The following OPRK1 variants were observed in gnomAD, a reference collection of about 807,000 sequenced individuals.
The protein encoded by OPRK1 is opioid receptor kappa 1, also known as kappa-type opioid receptor.
OPRK1 carries 15 observed loss-of-function variants against 24.5 expected under a neutral mutation model. The observed-to-expected ratio is 0.61, with a 90% CI of 0.41 to 0.94. The LOEUF (loss-of-function observed/expected upper bound fraction) is 0.94, where lower values mean the gene tolerates loss of function less well. Among genes scored for constraint, OPRK1 ranks in the 40% least tolerant of loss-of-function variants. OPRK1 has a pLI of 0.00. For missense variants in OPRK1, 479 were observed against 507.3 expected, an observed-to-expected ratio of 0.94 and a Z score of 0.54; for synonymous variants, 205 against 198.0, an observed-to-expected ratio of 1.04 and a Z score of -0.30.
intron 2 of OPRK1, among the ~76,000 whole-genome samples, chr8:53,241,208 A>G (rs1585635476): frequency 6.6e-6 from 1 of 152,242 alleles, no homozygotes; most frequent in South Asian, 2.1e-4. Context: ...TGTTTAAAAA[A>G]TAAAAATAAA....
chr8:53,250,069 C>CCACACACACACACA (rs369426050), intron 2 of OPRK1, among the ~76,000 whole-genome samples: 2 of 130,390 alleles, frequency 1.5e-5, no homozygotes, highest in African/African-American at 5.3e-5. Flanking sequence ...GAAGAAATTT[C>CCACACACACACACA]CACACACACA....
intron 2 of OPRK1, among the ~76,000 whole-genome samples, chr8:53,244,917 T>C (rs1413044517): frequency 6.6e-6 from 1 of 152,166 alleles, no homozygotes; most frequent in Non-Finnish European, 1.5e-5. Flanking sequence ...CCCCGTCAGA[T>C]CCAAAATCCA....
chr8:53,250,286 AT>A (rs1807342042), intron 2 of OPRK1, among the ~76,000 whole-genome samples: 1 of 152,210 alleles, frequency 6.6e-6, no homozygotes, highest in Non-Finnish European at 1.5e-5. Flanking sequence ...GTTTTGTTTC[AT>A]AAGCCAAAAC....
intron 2 of OPRK1, among the ~76,000 whole-genome samples, chr8:53,244,519 A>G (rs537303222): frequency 1.3e-4 from 20 of 152,332 alleles, no homozygotes; most frequent in African/African-American, 4.6e-4. Context: ...AAAGTCTCCC[A>G]GAGGAAGGTT....
chr8:53,242,747 C>G, intron 2 of OPRK1: 1 of 1,014,904 alleles, frequency 9.9e-7, no homozygotes, highest in Non-Finnish European at 1.3e-6. Context: ...ACCTCGTGAT[C>G]CACCTGCCTC....
chr8:53,233,723 T>C (rs1222992737), intron 3 of OPRK1, among the ~76,000 whole-genome samples: 1 of 152,194 alleles, frequency 6.6e-6, no homozygotes, highest in Admixed American at 6.5e-5. Flanking sequence ...ACCTCTCACC[T>C]TGGCTGCAGG....
chr8:53,242,798 G>A (rs996279875), intron 2 of OPRK1: 105 of 1,229,464 alleles, frequency 8.5e-5, no homozygotes, highest in Non-Finnish European at 1.0e-4. Context: ...GAGCCACCGC[G>A]CCCGGCCACT....
chr8:53,238,466 A>G (rs943736256), intron 2 of OPRK1: 1 of 873,638 alleles, frequency 1.1e-6, no homozygotes, highest in Admixed American at 6.2e-5. Context: ...CTGAAAAAAC[A>G]GTACGGTGCA....
In OPRK1 at chr8:53,246,291, A is replaced by G. The variant is rs545532817; in HGVS notation, c.257+4490T>C. On this transcript the variant is annotated intron_variant, in intron 2 of 3. Coordinates refer to ENST00000265572, the MANE Select transcript of OPRK1 (RefSeq NM_000912.5). Reference sequence around the variant, plus strand: ...AAAGTGGCCTAAAACGAGCATCTGAAACACACACCAGGGCTTTGGTGAAGG... The same window carrying G: ...AAAGTGGCCTAAAACGAGCATCTGAGACACACACCAGGGCTTTGGTGAAGG... Among the ~76,000 whole-genome samples the G allele has an allele frequency of 8.5e-5, 13 of 152,246 alleles. No homozygotes were observed. The South Asian group carries it at 2.5e-3, about 29-fold the overall frequency.
intron 2 of OPRK1, among the ~76,000 whole-genome samples, chr8:53,242,259 C>T (rs1288800984): frequency 6.6e-6 from 1 of 152,182 alleles, no homozygotes; most frequent in African/African-American, 2.4e-5. Context: ...GCAACCCAGC[C>T]AGGCAGAGGG....
chr8:53,245,352 G>A (rs1053917711), intron 2 of OPRK1, among the ~76,000 whole-genome samples: 2 of 152,192 alleles, frequency 1.3e-5, no homozygotes, highest in African/African-American at 2.4e-5. Context: ...GTTACAGGGA[G>A]AAGGCAGCAT....
At chr8:53,250,754 C>T (rs1807357368) in intron 2 of OPRK1, 27 bp downstream of exon 2, 1 of 1,581,362 alleles carries the variant, frequency 6.3e-7, no homozygotes, top group South Asian at 1.2e-5. Context: ...CGCCCAGCCC[C>T]CAGCGCTGCG....
rs200318598 is a variant in OPRK1 at position 53,226,846 on chromosome 8, T to G, written c.*2451A>C. 1 of 152,212 alleles carries G rather than the reference T, an allele frequency of 6.6e-6. No homozygotes were observed. The highest frequency in any genetic ancestry group is 1.5e-5 in the Non-Finnish European group (1 of 68,036). The allele number at this position is 152,212 out of a possible 1,614,324, so 9.4% of individuals were successfully genotyped here. ...AATCAAGAAGCTTGGACACCCCTTG[T>G]GGGCACATACAGCTACTATTCTCTC... On this transcript the variant is annotated 3_prime_UTR_variant, in exon 4 of 4. Coordinates refer to ENST00000265572, the MANE Select transcript of OPRK1 (RefSeq NM_000912.5).
intron 2 of OPRK1, among the ~76,000 whole-genome samples, chr8:53,241,802 C>G (rs766137935): frequency 1.3e-5 from 2 of 152,206 alleles, no homozygotes; most frequent in Non-Finnish European, 2.9e-5. Context: ...GACGCACAGC[C>G]CCGCGCAGGT....
At chr8:53,232,055 T>C (rs1196166562) in intron 3 of OPRK1, among the ~76,000 whole-genome samples, 3 of 152,206 alleles carry the variant, frequency 2.0e-5, no homozygotes, top group African/African-American at 7.2e-5. Flanking sequence ...GCTGAATTTG[T>C]AGCGTAAAGA....
intron 2 of OPRK1, among the ~76,000 whole-genome samples, chr8:53,245,043 G>T (rs1807198252): frequency 6.6e-6 from 1 of 152,138 alleles, no homozygotes. Flanking sequence ...ACAATGTAAA[G>T]GTTATGTAAA....
At chr8:53,249,264 A>C (rs1807310703) in intron 2 of OPRK1, among the ~76,000 whole-genome samples, 1 of 152,154 alleles carries the variant, frequency 6.6e-6, no homozygotes, top group Non-Finnish European at 1.5e-5. Context: ...TTTGCTTAAC[A>C]ATGTTTCTAT....
At chr8:53,246,149 G>A (rs1807222483) in intron 2 of OPRK1, among the ~76,000 whole-genome samples, 1 of 152,206 alleles carries the variant, frequency 6.6e-6, no homozygotes, top group Non-Finnish European at 1.5e-5. Context: ...GGCAATCTGT[G>A]CAGGGGAGCA....
chr8:53,248,229 C>A (rs1227173575), intron 2 of OPRK1, among the ~76,000 whole-genome samples: 1 of 151,964 alleles, frequency 6.6e-6, no homozygotes, highest in Non-Finnish European at 1.5e-5. Context: ...ATTCCAGGGG[C>A]CCAAGGTGGG....
Sources: gnomAD v4.1 joint callset for allele counts (sites outside exome capture counted in the v4.1 genomes callset) on GRCh38, gnomAD v4.1.1 for gene constraint, MANE v1.5 for transcripts, NCBI Gene and HGNC (gene_info 2026-07-23, HGNC 2026-07-21) for gene names.